The following DNAH14 variants were observed in gnomAD, a reference collection of about 807,000 sequenced individuals.
DNAH14 encodes axonemal beta dynein heavy chain 14.
Under a neutral mutation model 520.9 loss-of-function variants are expected in DNAH14, and 478 were observed. The ratio of observed to expected loss-of-function variants is 0.92; its 90% confidence interval spans 0.85 to 0.99. DNAH14 has a LOEUF of 0.99. Among genes scored for constraint, DNAH14 ranks in the 50% least tolerant of loss-of-function variants. The pLI is 0.00. For synonymous variants in DNAH14, 1,581 were observed against 1,757.2 expected (o/e 0.90, Z 2.51); for missense variants, 4,831 against 5,234.5 (o/e 0.92, Z 2.38).
chr1:225,231,294 T>C, intron 42 of DNAH14, 143 bp downstream of exon 42: 1 of 582,534 alleles, frequency 1.7e-6, no homozygotes, highest in Non-Finnish European at 2.9e-6. Context: ...TTATTCCAAC[T>C]TAGAGTTCTT....
Position 225,038,719 on chromosome 1 carries a change from A to G in DNAH14, c.1384A>G (p.Thr462Ala), listed in dbSNP as rs894148257. 11 of 1,530,922 alleles carry G rather than the reference A, an allele frequency of 7.2e-6. No homozygotes were observed. Among genetic ancestry groups the G allele is most frequent in the African/African-American group, 1.4e-5 (1 of 71,682 alleles). The allele number at this position is 1,530,922 out of a possible 1,614,324, so 94.8% of individuals were successfully genotyped here. A position where few individuals can be genotyped will look rare whatever the true frequency, so the allele number is the denominator to read the frequency against. ...AACATTCAAGGACAACTCTTTTCCT[A>G]CTGGAAAGACAACAAATGATTGTGA... ...IRTFKDNSFPTGKTTNDCEEL... is the reference protein window; with the variant it reads ...IRTFKDNSFPAGKTTNDCEEL... Residue 462 changes from threonine to alanine, a missense_variant, in exon 12 of 86, where the codon ACT becomes GCT. Thr to Ala is a moderately conservative substitution (Grantham distance 58). Coordinates refer to ENST00000682510, the MANE Select transcript of DNAH14 (RefSeq NM_001367479.1).
intron 41 of DNAH14, among the ~76,000 whole-genome samples, chr1:225,214,381 T>A (rs1574040880): frequency 1.3e-5 from 2 of 152,052 alleles, no homozygotes; most frequent in Non-Finnish European, 2.9e-5. Context: ...TTTTTGGTTG[T>A]GTCTCTGCCC....
chr1:225,153,977 A>G (rs972120736), intron 34 of DNAH14, among the ~76,000 whole-genome samples, 151 bp downstream of exon 34: 6 of 152,044 alleles, frequency 3.9e-5, no homozygotes, highest in Non-Finnish European at 5.9e-5. Flanking sequence ...AGAATATGAA[A>G]GAAGAGTAAG....
chr1:224,986,609 T>C (rs1216238357), intron 8 of DNAH14, among the ~76,000 whole-genome samples: 1 of 152,140 alleles, frequency 6.6e-6, no homozygotes, highest in East Asian at 1.9e-4. Flanking sequence ...TGAAAAAGGA[T>C]TTGATAAAAT....
chr1:225,203,063 A>G (rs1227222937), intron 38 of DNAH14, among the ~76,000 whole-genome samples: 2 of 152,106 alleles, frequency 1.3e-5, no homozygotes, highest in African/African-American at 2.4e-5. Flanking sequence ...CTGTCTCCCC[A>G]GTCCTGCAGG....
At chr1:225,024,095 A>C in intron 11 of DNAH14, 2 of 1,126,962 alleles carry the variant, frequency 1.8e-6, no homozygotes, top group Non-Finnish European at 2.2e-6. Context: ...AATGGTAAAT[A>C]ATTTTAGTAT....
intron 25 of DNAH14, 95 bp downstream of exon 25, chr1:225,118,094 A>T: frequency 4.3e-6 from 4 of 921,924 alleles, no homozygotes; most frequent in Non-Finnish European, 7.0e-6. Context: ...AAGTGCGCTA[A>T]GCAAACTGTT....
At chr1:225,397,756 T>C (rs1050079206) in intron 84 of DNAH14, 18 of 152,256 alleles carry the variant, frequency 1.2e-4, no homozygotes, top group African/African-American at 4.3e-4. Flanking sequence ...CAAAAATATA[T>C]GGAACCCGGC....
chr1:225,380,076 T>C, intron 79 of DNAH14, 83 bp from the exon 80 acceptor site: 1 of 1,402,664 alleles, frequency 7.1e-7, no homozygotes, highest in East Asian at 2.5e-5. Context: ...TGTCTACCAG[T>C]AATCTTGAAT....
chr1:224,954,104 AAG>A (rs2060352390), intron 2 of DNAH14, among the ~76,000 whole-genome samples: 1 of 152,126 alleles, frequency 6.6e-6, no homozygotes, highest in South Asian at 2.1e-4. Flanking sequence ...GTACCAAAAA[AAG>A]AAAAAAAGGT....
chr1:225,333,241 C>G (rs2094840719), intron 65 of DNAH14, 50 bp from the exon 66 acceptor site: 1 of 1,355,700 alleles, frequency 7.4e-7, no homozygotes, highest in South Asian at 1.5e-5. Context: ...TAAAATATCT[C>G]ATGATAATAT....
intron 35 of DNAH14, among the ~76,000 whole-genome samples, chr1:225,161,082 A>G (rs2081467627): frequency 6.6e-6 from 1 of 151,352 alleles, no homozygotes; most frequent in African/African-American, 2.4e-5. Flanking sequence ...TCATATTCGT[A>G]TTCATCCTGT....
intron 39 of DNAH14, 130 bp downstream of exon 39, chr1:225,204,403 C>T (rs1242197354): frequency 2.7e-5 from 14 of 516,034 alleles, no homozygotes; most frequent in Middle Eastern, 4.6e-4. Context: ...TTTATTTGTT[C>T]GTATGTTTAT....
intron 64 of DNAH14, among the ~76,000 whole-genome samples, chr1:225,327,836 AAG>A (rs569225713): frequency 2.0e-5 from 3 of 151,668 alleles, no homozygotes; most frequent in Non-Finnish European, 4.4e-5. Context: ...GGGAAACAAA[AAG>A]AGAGAGAGAG....
chr1:225,267,140 G>A (rs670360), intron 49 of DNAH14, among the ~76,000 whole-genome samples: 48,585 of 151,752 alleles, frequency 0.32, 9,046 homozygotes, highest in East Asian at 0.61. Context: ...CCCACCAGAT[G>A]CATCCTTAAT....
At position 225,346,456 on chromosome 1, in the gene DNAH14, G is replaced by T; in HGVS notation, c.11098G>T (p.Val3700Leu). The change falls in exon 71 of 86, where the codon GTG becomes TTG. Residue 3700 changes from valine to leucine, a missense_variant and splice_region_variant. Coordinates refer to ENST00000682510, the MANE Select transcript of DNAH14 (RefSeq NM_001367479.1). ...IDMLTKSIFK[V>L]VSSALFNEDK... ...TTAATATGTTATATTTTCCCTATAG[G>T]TGGTTTCTTCAGCTCTATTTAATGA... is the stretch of plus-strand genomic sequence containing the variant. 1 of 1,544,978 alleles carries T rather than the reference G, an allele frequency of 6.5e-7. No homozygotes were observed. Among genetic ancestry groups the T allele is most frequent in the Non-Finnish European group, 8.7e-7 (1 of 1,145,460 alleles).
At chr1:224,986,137 A>G (rs1366315518) in intron 8 of DNAH14, among the ~76,000 whole-genome samples, 1 of 152,042 alleles carries the variant, frequency 6.6e-6, no homozygotes, top group African/African-American at 2.4e-5. Flanking sequence ...TAATAAAAAA[A>G]AGTCTCTCAG....
At chr1:225,361,375 A>G (rs1446501698) in intron 75 of DNAH14, among the ~76,000 whole-genome samples, 1 of 152,252 alleles carries the variant, frequency 6.6e-6, no homozygotes, top group African/African-American at 2.4e-5. Flanking sequence ...TCACTCATGC[A>G]GAAATTTTTA....
intron 19 of DNAH14, among the ~76,000 whole-genome samples, chr1:225,082,146 C>G (rs2073196606): frequency 8.1e-6 from 1 of 123,306 alleles, no homozygotes; most frequent in Non-Finnish European, 1.8e-5. Context: ...TACCCAGAAT[C>G]TGTGACAGTC....
Sources: allele counts gnomAD v4.1 joint callset (sites outside exome capture counted in the v4.1 genomes callset), GRCh38; gene constraint gnomAD v4.1.1; transcripts MANE v1.5; gene names NCBI Gene and HGNC (gene_info 2026-07-23, HGNC 2026-07-21).